PSEN1: variants seen among roughly 807,000 people sequenced by gnomAD.
PSEN1 encodes presenilin-1.
Under a neutral mutation model 53.5 loss-of-function variants are expected in PSEN1, and 15 were observed. The ratio of observed to expected loss-of-function variants is 0.28; its 90% CI spans 0.19 to 0.43. PSEN1 has a LOEUF of 0.43. PSEN1 is among the 20% of genes least tolerant of loss of function. PSEN1 has a pLI of 1.00. For synonymous variants in PSEN1, 208 were observed against 209.8 expected (o/e 0.99, Z 0.08); for missense variants, 387 against 571.2 (o/e 0.68, Z 3.29).
chr14:73,149,083 T>C (rs1311428315), intron 3 of PSEN1, among the ~76,000 whole-genome samples: 2 of 152,154 alleles, frequency 1.3e-5, no homozygotes, highest in Admixed American at 1.3e-4. Flanking sequence ...CTATAAGCTA[T>C]CCAGTTGCAC....
chr14:73,179,205 GGACTGACATTCTTCCAGTCAGA>G (rs1898131753), intron 5 of PSEN1, among the ~76,000 whole-genome samples: 1 of 152,094 alleles, frequency 6.6e-6, no homozygotes. Flanking sequence ...CACTCTCTCG[GGACTGACATTCTTCCAGTCAGA>G]GTAAGGATTC....
chr14:73,197,882 C>T lies in PSEN1; in HGVS notation c.770-149C>T, dbSNP rs1595042745. Reference sequence around the variant, plus strand: ...CCCCCACCCCCACCAGTTCACCTGCCATTTATTTCATATTCATTCAACGTC... The same window carrying T: ...CCCCCACCCCCACCAGTTCACCTGCTATTTATTTCATATTCATTCAACGTC... On this transcript the variant is annotated intron_variant, in intron 7 of 11. Coordinates refer to ENST00000324501, the MANE Select transcript of PSEN1 (RefSeq NM_000021.4). 7 of 629,624 alleles carry T rather than the reference C, an allele frequency of 1.1e-5. No homozygotes were observed. The Admixed American group carries it at 1.8e-4, about 16-fold the overall frequency. The allele number at this position is 629,624 out of a possible 1,614,324, so 39.0% of individuals were successfully genotyped here.
intron 7 of PSEN1, 184 bp from the exon 8 acceptor site, chr14:73,197,847 T>C: frequency 3.4e-6 from 2 of 595,150 alleles, no homozygotes; most frequent in Non-Finnish European, 6.0e-6. Context: ...TTATTTTGTT[T>C]ATGTTGTCTC....
At chr14:73,162,480 GA>G (rs1897581404) in intron 3 of PSEN1, among the ~76,000 whole-genome samples, 1 of 150,934 alleles carries the variant, frequency 6.6e-6, no homozygotes, top group Admixed American at 6.6e-5. Context: ...GAAGGAGAGA[GA>G]GAGAGAGAGA....
At chr14:73,175,115 G>GT (rs983373688) in intron 5 of PSEN1, among the ~76,000 whole-genome samples, 5 of 151,778 alleles carry the variant, frequency 3.3e-5, no homozygotes, top group African/African-American at 7.3e-5. Context: ...GAGGTCAGGA[G>GT]TTTTTTTTGT....
intron 3 of PSEN1, among the ~76,000 whole-genome samples, chr14:73,150,764 CAAAAAAAA>C (rs35747435): frequency 8.4e-5 from 3 of 35,924 alleles, no homozygotes; most frequent in Admixed American, 8.4e-4. Context: ...GACTCTGTCT[CAAAAAAAA>C]AAAAAAAAAA....
Position 73,220,659 on chromosome 14 carries a change from A to T in PSEN1, c.*1370A>T, listed in dbSNP as rs940821495. 6.6e-6 allele frequency: 1 copy of T among 152,236 alleles called. No individual in the cohort carries two copies. Among genetic ancestry groups the T allele is most frequent in the African/African-American group, 2.4e-5 (1 of 41,460 alleles). The allele number at this position is 152,236 out of a possible 1,614,324, so 9.4% of individuals were successfully genotyped here. ...GCTAATGATGTCAAGGAGGAGTTTC[A>T]GGTTATTCTCGTCAGCTCCACAAAT... On this transcript the variant is annotated 3_prime_UTR_variant, in exon 12 of 12. Coordinates refer to ENST00000324501, the MANE Select transcript of PSEN1 (RefSeq NM_000021.4).
chr14:73,153,751 C>T lies in PSEN1; in HGVS notation c.87+5645C>T, dbSNP rs549742690. 3.0e-4 allele frequency among the ~76,000 whole-genome samples: 41 copies of T among 137,282 alleles called. No homozygotes were observed. In the East Asian group the frequency reaches 7.5e-3, roughly 25 times the overall value. 90.1% of individuals were successfully genotyped at this position (137,282 alleles called of 152,430 possible). On this transcript the variant is annotated intron_variant, in intron 3 of 11. Coordinates refer to ENST00000324501, the MANE Select transcript of PSEN1 (RefSeq NM_000021.4). ...TTTTTGAAACGGAGCCTCCCTCTGT[C>T]GCCCAGGCTGGAGTTCAGTTGTGCG...
intron 5 of PSEN1, among the ~76,000 whole-genome samples, chr14:73,183,243 A>G (rs969492972): frequency 2.0e-5 from 3 of 151,878 alleles, no homozygotes; most frequent in African/African-American, 7.3e-5. Context: ...TCAGCCTCCC[A>G]AATAGCTGGG....
At chr14:73,138,969 A>T (rs1336685964) in intron 1 of PSEN1, among the ~76,000 whole-genome samples, 1 of 137,452 alleles carries the variant, frequency 7.3e-6, no homozygotes, top group Non-Finnish European at 1.6e-5. Flanking sequence ...TCTGTCAAGA[A>T]AAAAAGAAAA....
intron 8 of PSEN1, among the ~76,000 whole-genome samples, chr14:73,202,534 G>A (rs1458036934): frequency 8.2e-5 from 10 of 121,944 alleles, no homozygotes; most frequent in East Asian, 5.1e-4. Flanking sequence ...GTGCAGTAGC[G>A]TGATCTCGAC....
chr14:73,203,598 T>TC (rs1392010070), intron 8 of PSEN1, among the ~76,000 whole-genome samples: 1 of 152,218 alleles, frequency 6.6e-6, no homozygotes, highest in Admixed American at 6.5e-5. Flanking sequence ...TTTAATACTG[T>TC]CTCCCAGTTA....
At chr14:73,183,814 A>G (rs1487778119) in intron 5 of PSEN1, among the ~76,000 whole-genome samples, 1 of 151,378 alleles carries the variant, frequency 6.6e-6, no homozygotes, top group Non-Finnish European at 1.5e-5. Context: ...GCTGTTGGGC[A>G]CACCTCCCAG....
intron 6 of PSEN1, among the ~76,000 whole-genome samples, chr14:73,188,782 GTTTGTTTTTTGT>G (rs1392887864): frequency 6.6e-6 from 1 of 152,056 alleles, no homozygotes; most frequent in Non-Finnish European, 1.5e-5. Context: ...TCTTTTGTTT[GTTTGTTTTTTGT>G]TTTGTTTTTT....
chr14:73,211,798 G>A lies in PSEN1; in HGVS notation c.985G>A (p.Ala329Thr). 2 of 1,614,114 alleles carry A rather than the reference G, an allele frequency of 1.2e-6. No individual in the cohort carries two copies. The highest frequency in any genetic ancestry group is 1.7e-6 in the Non-Finnish European group (2 of 1,180,012). The change falls in exon 10 of 12, where the codon GCA (alanine) becomes ACA (threonine). Residue 329 changes from alanine (A) to threonine (T), a missense_variant. Ala to Thr is a moderately conservative substitution (Grantham distance 58, BLOSUM62 0). Coordinates refer to ENST00000324501, the MANE Select transcript of PSEN1 (RefSeq NM_000021.4). ...STERESQDTV[A>T]ENDDGGFSEE... ...AGAAAGGGAGTCACAAGACACTGTT[G>A]CAGAGAATGATGATGGCGGGTTCAG...
chr14:73,177,755 C>T (rs1364636896), intron 5 of PSEN1, among the ~76,000 whole-genome samples: 3 of 152,308 alleles, frequency 2.0e-5, no homozygotes, highest in Admixed American at 6.5e-5. Context: ...CACTGTTCTT[C>T]TAAAAGTAAT....
chr14:73,191,478 G>T (rs1409339531), intron 6 of PSEN1, among the ~76,000 whole-genome samples: 1 of 151,990 alleles, frequency 6.6e-6, no homozygotes, highest in Non-Finnish European at 1.5e-5. Context: ...TAAACTTTGG[G>T]TTTCAGATAC....
intron 7 of PSEN1, among the ~76,000 whole-genome samples, chr14:73,195,463 G>A (rs1029117814): frequency 9.9e-5 from 15 of 152,104 alleles, no homozygotes; most frequent in African/African-American, 3.6e-4. Flanking sequence ...TTGAACCACT[G>A]CGCCCAGCCT....
At chr14:73,140,202 CTTTTTTTTTTT>C (rs35223948) in intron 1 of PSEN1, among the ~76,000 whole-genome samples, 2 of 73,038 alleles carry the variant, frequency 2.7e-5, no homozygotes, top group African/African-American at 5.4e-5. Context: ...TTTTGCTATT[CTTTTTTTTTTT>C]TTTTTTTTTT....
Sources: allele counts gnomAD v4.1 joint callset (sites outside exome capture counted in the v4.1 genomes callset), GRCh38; gene constraint gnomAD v4.1.1; transcripts MANE v1.5; gene names NCBI Gene and HGNC (gene_info 2026-07-23, HGNC 2026-07-21).